Variants in SLC4A7 observed in about 807,000 individuals in gnomAD.
SLC4A7 encodes the protein solute carrier family 4 member 7.
Under a neutral mutation model 137.6 loss-of-function variants are expected in SLC4A7, and 51 were observed. The observed-to-expected ratio is 0.37, with a 90% confidence interval of 0.30 to 0.47. The LOEUF (loss-of-function observed/expected upper bound fraction) is 0.47, where lower values mean the gene tolerates loss of function less well. Among genes scored for constraint, SLC4A7 ranks in the 20% least tolerant of loss-of-function variants. SLC4A7 has a pLI of 1.00. For missense variants in SLC4A7, 1,247 were observed against 1,525.4 expected (o/e 0.82, Z 3.04); for synonymous variants, 542 against 518.6 (o/e 1.05, Z -0.61).
In SLC4A7 at chr3:27,401,837, G is replaced by A. The variant is rs548486672; in HGVS notation, c.2322-968C>T. ...AACTATAAAAGTCATGCTTTATAAA[G>A]GTCAAAGAAGCAAAAGGCAAGGAAA... On this transcript the variant is annotated intron_variant, in intron 15 of 25. Transcript: ENST00000454389. Among the ~76,000 whole-genome samples the A allele has an allele frequency of 2.6e-5, 4 of 152,230 alleles. No homozygotes were observed. In the East Asian group the frequency reaches 7.7e-4, roughly 29 times the overall value.
At chr3:27,415,408 A>G (rs2054287639) in intron 11 of SLC4A7, among the ~76,000 whole-genome samples, 1 of 152,214 alleles carries the variant, frequency 6.6e-6, no homozygotes, top group African/African-American at 2.4e-5. Context: ...AGAGAAGGGT[A>G]GTCAAGACCA....
chr3:27,462,514 G>A (rs1029398516), intron 1 of SLC4A7: 1 of 152,342 alleles, frequency 6.6e-6, no homozygotes. Flanking sequence ...AAGAACCAGA[G>A]GTGGAGATTT....
Position 27,394,698 on chromosome 3 carries a change from A to T in SLC4A7, c.2937T>A (p.Leu979=), listed in dbSNP as rs1240843546. Residue 979 remains leucine (L), a synonymous_variant, in exon 20 of 26, where the codon CTT becomes CTA. Transcript: ENST00000454389. ...ACACTGTTGCAGCCACAAACCATGGAAGTCCCATGACAGAGCAAACTCCCA... is the reference window on the plus strand; with the variant it reads ...ACACTGTTGCAGCCACAAACCATGGTAGTCCCATGACAGAGCAAACTCCCA... ...VMLGVCSVMG[L]PWFVAATVLS... is the part of the protein sequence containing the mutation. 1 of 1,614,192 alleles carries T rather than the reference A, an allele frequency of 6.2e-7. No individual in the cohort carries two copies. Among genetic ancestry groups the T allele is most frequent in the African/African-American group, 1.3e-5 (1 of 75,064 alleles).
chr3:27,389,817 C>G (rs2051347269), intron 22 of SLC4A7, 114 bp downstream of exon 22: 1 of 749,768 alleles, frequency 1.3e-6, no homozygotes, highest in Non-Finnish European at 2.1e-6. Flanking sequence ...TTTCAAACAC[C>G]TAAGGTACTT....
At chr3:27,381,377 T>C (rs2050398217) in intron 24 of SLC4A7, among the ~76,000 whole-genome samples, 1 of 152,206 alleles carries the variant, frequency 6.6e-6, no homozygotes, top group Non-Finnish European at 1.5e-5. Flanking sequence ...TCCTATACTC[T>C]TTTTAGAAGT....
chr3:27,450,712 T>C (rs964154165), intron 2 of SLC4A7, among the ~76,000 whole-genome samples: 3 of 152,120 alleles, frequency 2.0e-5, no homozygotes, highest in African/African-American at 4.8e-5. Flanking sequence ...CAAAGATTGG[T>C]AGATTAAGCT....
At chr3:27,394,299 G>A (rs142991878) in intron 20 of SLC4A7, among the ~76,000 whole-genome samples, 69 of 149,262 alleles carry the variant, frequency 4.6e-4, no homozygotes, top group African/African-American at 9.4e-4. Flanking sequence ...GATTACAGGC[G>A]TAAGCCACTA....
In SLC4A7 at chr3:27,389,832, C is replaced by T. The variant is rs939520210; in HGVS notation, c.3360+99G>A. 65 of 893,126 alleles carry T rather than the reference C, an allele frequency of 7.3e-5. 1 individual carries two copies. Among genetic ancestry groups the T allele is most frequent in the African/African-American group, 5.1e-5 (3 of 58,296 alleles). The allele number at this position is 893,126 out of a possible 1,614,324, so 55.3% of individuals were successfully genotyped here. On this transcript the variant is annotated intron_variant, in intron 22 of 25. Transcript: ENST00000454389. Reference sequence around the variant, plus strand: ...TTTCAAACACCTAAGGTACTTAAAACGCATTATTCTTTTTCTCAAAATCAA... The same window carrying T: ...TTTCAAACACCTAAGGTACTTAAAATGCATTATTCTTTTTCTCAAAATCAA...
intron 25 of SLC4A7, among the ~76,000 whole-genome samples, chr3:27,379,041 C>T (rs2050166525): frequency 6.6e-6 from 1 of 152,116 alleles, no homozygotes; most frequent in African/African-American, 2.4e-5. Context: ...TCCCAAAGTG[C>T]TGGGATTACA....
rs966778148 is a variant in SLC4A7 at position 27,433,971 on chromosome 3, T to A, written c.723A>T (p.Arg241=). The A allele has an allele frequency of 2.5e-5, 40 of 1,613,780 alleles. No homozygotes were observed. Among genetic ancestry groups the A allele is most frequent in the African/African-American group, 4.0e-5 (3 of 74,894 alleles). The change falls in exon 6 of 26, where the codon CGA becomes CGT. Residue 241 remains arginine, a synonymous_variant. Transcript: ENST00000454389. ...GTTTCTTGCCTATATCTGCAAAAGA[T>A]CGAACAAGAGGAATCCGACTGGTGA... The part of the protein sequence containing the change: ...KRFTSRIPLV[R]SFADIGKKHS...
chr3:27,425,323 T>C (rs946256358), intron 7 of SLC4A7, among the ~76,000 whole-genome samples: 2 of 134,632 alleles, frequency 1.5e-5, no homozygotes, highest in African/African-American at 2.9e-5. Context: ...TGAGCCAAGA[T>C]TGCACCATTG....
chr3:27,455,442 C>G (rs2058342328), intron 1 of SLC4A7, among the ~76,000 whole-genome samples: 1 of 152,114 alleles, frequency 6.6e-6, no homozygotes, highest in Non-Finnish European at 1.5e-5. Context: ...GGGATACACA[C>G]CAAATTCTTA....
At chr3:27,439,506 G>A (rs61629945) in intron 3 of SLC4A7, among the ~76,000 whole-genome samples, 4,660 of 152,034 alleles carry the variant, frequency 0.031, 246 homozygotes, top group African/African-American at 0.11. Context: ...ACTACTTTTA[G>A]TGCTACCATA....
chr3:27,411,044 A>G (rs949455363), intron 12 of SLC4A7, among the ~76,000 whole-genome samples: 1 of 152,178 alleles, frequency 6.6e-6, no homozygotes, highest in Non-Finnish European at 1.5e-5. Context: ...GCTTTTCCAC[A>G]TTATGAAAAT....
At chr3:27,413,512 T>C (rs2054103157) in intron 11 of SLC4A7, among the ~76,000 whole-genome samples, 1 of 152,162 alleles carries the variant, frequency 6.6e-6, no homozygotes, top group African/African-American at 2.4e-5. Flanking sequence ...CACAGACCAC[T>C]ACCACTTTAA....
chr3:27,458,050 T>A (rs1234714531), intron 1 of SLC4A7, among the ~76,000 whole-genome samples: 2 of 152,208 alleles, frequency 1.3e-5, no homozygotes, highest in African/African-American at 4.8e-5. Context: ...GAGTTCACAA[T>A]TCAGGCAATT....
intron 24 of SLC4A7, among the ~76,000 whole-genome samples, chr3:27,380,212 CA>C (rs1204648596): frequency 6.6e-6 from 1 of 151,276 alleles, no homozygotes; most frequent in East Asian, 1.9e-4. Context: ...GAGGCTGAGG[CA>C]GGAGAATCTC....
At chr3:27,442,641 G>A (rs978091444) in intron 3 of SLC4A7, among the ~76,000 whole-genome samples, 2 of 152,066 alleles carry the variant, frequency 1.3e-5, no homozygotes, top group African/African-American at 4.8e-5. Flanking sequence ...AAACCCCTGA[G>A]CTCAAGCAAT....
At position 27,424,125 on chromosome 3, in the gene SLC4A7, G is replaced by C; in HGVS notation, c.1178C>G (p.Pro393Arg). ...ACTTTTACTATTGTCCAAGTTTCCA[G>C]GAGCAGACTGGGGAGAGGCCAAAAT... is the stretch of plus-strand genomic sequence containing the variant. The part of the protein sequence containing the change: ...PGILASPQSA[P>R]GNLDNSKSGE... The change falls in exon 8 of 26, where the codon CCT (proline) becomes CGT (arginine). Residue 393 changes from proline (P) to arginine (R), a missense_variant. Transcript: ENST00000454389. 1 of 1,609,226 alleles carries C rather than the reference G, an allele frequency of 6.2e-7. No individual in the cohort carries two copies. The highest frequency in any genetic ancestry group is 8.5e-7 in the Non-Finnish European group (1 of 1,177,130).
Sources: allele counts gnomAD v4.1 joint callset (sites outside exome capture counted in the v4.1 genomes callset), GRCh38; gene constraint gnomAD v4.1.1; transcripts MANE v1.5; gene names NCBI Gene and HGNC (gene_info 2026-07-23, HGNC 2026-07-21).